The following NRBP2 variants were observed in gnomAD, a reference collection of about 807,000 sequenced individuals.
NRBP2 encodes nuclear receptor-binding protein 2.
A neutral mutation model predicts 74.4 loss-of-function variants in NRBP2; 47 were observed. The observed-to-expected ratio is 0.63, with a 90% CI of 0.50 to 0.81. NRBP2 has a LOEUF of 0.81. NRBP2 is among the 30% of genes least tolerant of loss of function. The pLI is 0.00. For missense variants in NRBP2, 613 were observed against 690.1 expected, an observed-to-expected ratio of 0.89 and a Z score of 1.25; for synonymous variants, 312 against 273.8, an observed-to-expected ratio of 1.14 and a Z score of -1.38.
Position 143,840,416 on chromosome 8 carries a change from C to A in NRBP2, c.130-187G>T. 1.2e-6 allele frequency: 1 copy of A among 812,658 alleles called. No individual in the cohort carries two copies. Among genetic ancestry groups the A allele is most frequent in the East Asian group, 2.7e-5 (1 of 37,160 alleles). 50.3% of individuals were successfully genotyped at this position (812,658 alleles called of 1,614,324 possible). A position where few individuals can be genotyped will look rare whatever the true frequency, so the allele number is the denominator to read the frequency against. On this transcript the variant is annotated intron_variant, in intron 1 of 17. Coordinates refer to ENST00000442628, the MANE Select transcript of NRBP2 (RefSeq NM_178564.4). The surrounding 1 kb of genome is among the most constrained non-coding windows in gnomAD (Gnocchi z 5.7). The stretch of plus-strand genomic sequence containing the variant: ...CAAGGGCTCCTATCCAAGGGCTGGG[C>A]TAAGGGGATTTGGAGCAGGTTTCAG...
At position 143,840,882 on chromosome 8, in the gene NRBP2, G is replaced by A. The variant is rs1269539275; in HGVS notation, c.-48C>T. 7.8e-6 allele frequency: 10 copies of A among 1,276,016 alleles called. No individual in the cohort carries two copies. The highest frequency in any genetic ancestry group is 6.6e-5 in the East Asian group (2 of 30,196). 79.0% of individuals were successfully genotyped at this position (1,276,016 alleles called of 1,614,324 possible). A position where few individuals can be genotyped will look rare whatever the true frequency, so the allele number is the denominator to read the frequency against. Reference sequence around the variant, plus strand: ...GCCCTCTGCGCGATCCGCCGCCGGCGCAGCCTCTCCCGGCCCGCCCTGGCC... The same window carrying A: ...GCCCTCTGCGCGATCCGCCGCCGGCACAGCCTCTCCCGGCCCGCCCTGGCC... On this transcript the variant is annotated 5_prime_UTR_variant, in exon 1 of 18. Coordinates refer to ENST00000442628, the MANE Select transcript of NRBP2 (RefSeq NM_178564.4). This position sits in a 1 kb window ranked among gnomAD's most constrained non-coding sequence, Gnocchi z 5.7.
chr8:143,835,648 G>T lies in NRBP2; in HGVS notation c.*14C>A. 1.3e-6 allele frequency: 2 copies of T among 1,567,260 alleles called. No individual in the cohort carries two copies. Among genetic ancestry groups the T allele is most frequent in the Non-Finnish European group, 1.7e-6 (2 of 1,159,118 alleles). On this transcript the variant is annotated 3_prime_UTR_variant, in exon 18 of 18. Transcript: ENST00000442628. The surrounding 1 kb of genome is among the most constrained non-coding windows in gnomAD (Gnocchi z 4.9). ...CAGCACCCCGGCATGGTCCCCTGGGGCTGGGGCTCCGGGTCAGGCCTGGGT... is the reference window on the plus strand; with the variant it reads ...CAGCACCCCGGCATGGTCCCCTGGGTCTGGGGCTCCGGGTCAGGCCTGGGT...
At position 143,838,865 on chromosome 8, in the gene NRBP2, G is replaced by C. The variant is rs782807303; in HGVS notation, c.744+18C>G. On this transcript the variant is annotated intron_variant, in intron 9 of 17. Coordinates refer to ENST00000442628, the MANE Select transcript of NRBP2 (RefSeq NM_178564.4). ...TTAGGAGGAGGGCAGAGCACAAGGT[G>C]GAGGGCGGGGGCAGTACCTCCAGCG... is the stretch of plus-strand genomic sequence containing the variant. The C allele has an allele frequency of 6.2e-7, 1 of 1,613,262 alleles. No homozygotes were observed. Among genetic ancestry groups the C allele is most frequent in the Admixed American group, 1.7e-5 (1 of 59,912 alleles).
rs782260411 is a variant in NRBP2 at position 143,837,218 on chromosome 8, G to A, written c.1127+31C>T. 4.7e-5 allele frequency: 76 copies of A among 1,613,804 alleles called. No individual in the cohort carries two copies. Among genetic ancestry groups the A allele is most frequent in the Non-Finnish European group, 4.4e-5 (52 of 1,179,994 alleles). ...GGCTGGGGGTTCAGGCCTGACAGCT[G>A]CCTGGCCCCCAACCTTACATCAGTT... is the stretch of plus-strand genomic sequence containing the variant. On this transcript the variant is annotated intron_variant, in intron 13 of 17. Coordinates refer to ENST00000442628, the MANE Select transcript of NRBP2 (RefSeq NM_178564.4). This position sits in a 1 kb window ranked among gnomAD's most constrained non-coding sequence, Gnocchi z 4.3.
chr8:143,840,200 C>G lies in NRBP2; in HGVS notation c.159G>C (p.Gln53His). The G allele has an allele frequency of 1.3e-6, 2 of 1,536,128 alleles. No homozygotes were observed. The highest frequency in any genetic ancestry group is 1.7e-6 in the Non-Finnish European group (2 of 1,146,888). ...QVNQGNMPGL[Q>H]STFLAMDTEE... is the part of the protein sequence containing the mutation. Reference sequence around the variant, plus strand: ...CCGTGTCCATGGCTAGGAAGGTGCTCTGAAGCCCTGGCATGTTCCCTTGGT... The same window carrying G: ...CCGTGTCCATGGCTAGGAAGGTGCTGTGAAGCCCTGGCATGTTCCCTTGGT... Residue 53 changes from glutamine (Q) to histidine (H), a missense_variant, in exon 2 of 18, where the codon CAG becomes CAC. Coordinates refer to ENST00000442628, the MANE Select transcript of NRBP2 (RefSeq NM_178564.4). This position sits in a 1 kb window ranked among gnomAD's most constrained non-coding sequence, Gnocchi z 5.7.
Position 143,840,434 on chromosome 8 carries a change from G to T in NRBP2, c.130-205C>A. On this transcript the variant is annotated intron_variant, in intron 1 of 17. Transcript: ENST00000442628. The surrounding 1 kb of genome is among the most constrained non-coding windows in gnomAD (Gnocchi z 5.7). ...GGCTGGGCTAAGGGGATTTGGAGCAGGTTTCAGGGGGTCGAGGGGGATCCC... is the reference window on the plus strand; with the variant it reads ...GGCTGGGCTAAGGGGATTTGGAGCATGTTTCAGGGGGTCGAGGGGGATCCC... 1.4e-6 allele frequency: 1 copy of T among 735,736 alleles called. No individual in the cohort carries two copies. Among genetic ancestry groups the T allele is most frequent in the Non-Finnish European group, 2.2e-6 (1 of 462,944 alleles). The allele number at this position is 735,736 out of a possible 1,614,324, so 45.6% of individuals were successfully genotyped here. A position where few individuals can be genotyped will look rare whatever the true frequency, so the allele number is the denominator to read the frequency against.
chr8:143,840,314 T>G lies in NRBP2; in HGVS notation c.130-85A>C. On this transcript the variant is annotated intron_variant, in intron 1 of 17. Coordinates refer to ENST00000442628, the MANE Select transcript of NRBP2 (RefSeq NM_178564.4). This position sits in a 1 kb window ranked among gnomAD's most constrained non-coding sequence, Gnocchi z 5.7. ...TTGGTCCCTGTCCACACCTTTCCAGTGGGCCCAAGCGTGGGCTGCAGGCCC... is the reference window on the plus strand; with the variant it reads ...TTGGTCCCTGTCCACACCTTTCCAGGGGGCCCAAGCGTGGGCTGCAGGCCC... The G allele has an allele frequency of 2.0e-6, 3 of 1,499,626 alleles. No individual in the cohort carries two copies. The highest frequency in any genetic ancestry group is 2.7e-6 in the Non-Finnish European group (3 of 1,122,938). 92.9% of individuals were successfully genotyped at this position (1,499,626 alleles called of 1,614,324 possible). A position where few individuals can be genotyped will look rare whatever the true frequency, so the allele number is the denominator to read the frequency against.
At position 143,840,118 on chromosome 8, in the gene NRBP2, C is replaced by T; in HGVS notation, c.241G>A (p.Ala81Thr). 2.0e-6 allele frequency: 3 copies of T among 1,536,130 alleles called. No individual in the cohort carries two copies. The highest frequency in any genetic ancestry group is 2.6e-6 in the Non-Finnish European group (3 of 1,146,902). Residue 81 changes from alanine (A) to threonine (T), a missense_variant, in exon 2 of 18, where the codon GCG becomes ACG. Physicochemically the swap from Ala to Thr is moderately conservative, Grantham distance 58 (BLOSUM62 0). This residue lies in a region of NRBP2 where 332 missense variants were observed against 429.2 expected (regional missense o/e 0.77). Transcript: ENST00000442628. The surrounding 1 kb of genome is among the most constrained non-coding windows in gnomAD (Gnocchi z 5.7). ...ELHFGDRKAF[A>T]AHEEKIQTVF... ...GGCAGCGGTCTCACCTCGTGCGCCG[C>T]GAAGGCCTTCCTGTCTCCGAAGTGG...
Position 143,837,415 on chromosome 8 carries a change from CA to C in NRBP2, c.1067del (p.Leu356ArgfsTer27), listed in dbSNP as rs782348878. 1 of 1,599,880 alleles carries C rather than the reference CA, an allele frequency of 6.3e-7. No individual in the cohort carries two copies. The highest frequency in any genetic ancestry group is 1.3e-5 in the African/African-American group (1 of 74,782). ...AELPRPRRPP[L>X]QWRYSEVSFM... Reference sequence around the variant, plus strand: ...GGGTGCTGACTGCTCACCGCCACTGCAGCGGGGGCCTGCGGGGCCGGGGAAG... The same window carrying C: ...GGGTGCTGACTGCTCACCGCCACTGCGCGGGGGCCTGCGGGGCCGGGGAAG... On this transcript the variant is annotated frameshift_variant, in exon 12 of 18. Transcript: ENST00000442628. LOFTEE classifies it high-confidence loss of function. The surrounding 1 kb of genome is among the most constrained non-coding windows in gnomAD (Gnocchi z 4.3).
At chr8:143,831,794 T>C (rs560590930), downstream of NRBP2, among the ~76,000 whole-genome samples, 6 of 152,284 alleles carry the variant, frequency 3.9e-5, no homozygotes, top group South Asian at 1.2e-3. Flanking sequence ...TCATTGAGAA[T>C]TACCCAAGTA....
intron 10 of NRBP2, 99 bp downstream of exon 10, chr8:143,838,581 G>T: frequency 2.3e-6 from 2 of 867,290 alleles, no homozygotes; most frequent in Non-Finnish European, 3.6e-6. Context: ...CCCCTCAACT[G>T]CACAAACTGT....
intron 14 of NRBP2, among the ~76,000 whole-genome samples, chr8:143,836,637 T>G (rs924447391): frequency 7.5e-6 from 1 of 132,722 alleles, no homozygotes; most frequent in South Asian, 2.7e-4. Flanking sequence ...GCAGGAAAAG[T>G]CTGGGGAGAC....
chr8:143,835,762 G>A lies in NRBP2; in HGVS notation c.1438-32C>T. ...AAGGAGGGAGGCATGGGGGACGGAG[G>A]GGCGCGGCCTGCCCCGTGCGCCCCC... On this transcript the variant is annotated intron_variant, in intron 17 of 17. Transcript: ENST00000442628. This position sits in a 1 kb window ranked among gnomAD's most constrained non-coding sequence, Gnocchi z 4.9. The A allele has an allele frequency of 6.3e-7, 1 of 1,594,362 alleles. No individual in the cohort carries two copies. Among genetic ancestry groups the A allele is most frequent in the Non-Finnish European group, 8.5e-7 (1 of 1,172,734 alleles).
In NRBP2 at chr8:143,840,775, G is replaced by T. The variant is rs1474586911; in HGVS notation, c.60C>A (p.Asp20Glu). Residue 20 changes from aspartate to glutamate, a missense_variant, in exon 1 of 18, where the codon GAC becomes GAA. Coordinates refer to ENST00000442628, the MANE Select transcript of NRBP2 (RefSeq NM_178564.4). This position sits in a 1 kb window ranked among gnomAD's most constrained non-coding sequence, Gnocchi z 5.7. ...RARERERERE[D>E]ESEDESDILE... The stretch of plus-strand genomic sequence containing the variant: ...GGATGTCGCTCTCGTCCTCGCTCTC[G>T]TCCTCCCGCTCCCGCTCCCGTTCCC... 6.6e-7 allele frequency: 1 copy of T among 1,510,338 alleles called. No individual in the cohort carries two copies. Among genetic ancestry groups the T allele is most frequent in the Non-Finnish European group, 8.8e-7 (1 of 1,135,466 alleles). 93.6% of individuals were successfully genotyped at this position (1,510,338 alleles called of 1,614,324 possible). A position where few individuals can be genotyped will look rare whatever the true frequency, so the allele number is the denominator to read the frequency against.
downstream of NRBP2, among the ~76,000 whole-genome samples, chr8:143,831,493 C>T (rs781931756): frequency 5.9e-5 from 9 of 152,152 alleles, no homozygotes; most frequent in Non-Finnish European, 8.8e-5. Context: ...TGGTGGCACA[C>T]GCCTGTAGTC....
rs782665113 is a variant in NRBP2, at chr8:143,838,889, C to T, written c.738G>A (p.Ala246=). 42 of 1,612,906 alleles carry T rather than the reference C, an allele frequency of 2.6e-5. No homozygotes were observed. The Admixed American group carries it at 3.7e-4, about 14-fold the overall frequency. The change falls in exon 9 of 18, where the codon GCG becomes GCA. Residue 246 remains alanine, a synonymous_variant. Transcript: ENST00000442628. ...AVDIFSFGMC[A]LEMAVLEIQT... ...TGGAGGGCGGGGGCAGTACCTCCAG[C>T]GCACACATCCCAAAGGAGAAGATGT...
At chr8:143,836,533 C>T (rs1332427759) in intron 14 of NRBP2, among the ~76,000 whole-genome samples, 4 of 151,994 alleles carry the variant, frequency 2.6e-5, no homozygotes, top group Non-Finnish European at 4.4e-5. Flanking sequence ...CTCCCATGAT[C>T]TCTGCTGGCA....
chr8:143,837,795 T>G lies in NRBP2; in HGVS notation c.841-40A>C, dbSNP rs536475340. On this transcript the variant is annotated intron_variant, in intron 10 of 17. Transcript: ENST00000442628. This position sits in a 1 kb window ranked among gnomAD's most constrained non-coding sequence, Gnocchi z 4.3. Reference sequence around the variant, plus strand: ...GGAGAGGCTGGTGGTGTGCAAGGGCTCTCTGCTCTGGCCCCGCAGTTCGAG... The same window carrying G: ...GGAGAGGCTGGTGGTGTGCAAGGGCGCTCTGCTCTGGCCCCGCAGTTCGAG... 6 of 1,552,142 alleles carry G rather than the reference T, an allele frequency of 3.9e-6. No homozygotes were observed. In the Admixed American group the frequency reaches 1.2e-4, roughly 30 times the overall value.
At chr8:143,838,641 C>A in intron 10 of NRBP2, 39 bp downstream of exon 10, 1 of 1,486,036 alleles carries the variant, frequency 6.7e-7, no homozygotes, top group South Asian at 1.2e-5. Context: ...TAGCTGAGCA[C>A]GGTGAGCCAG....
Sources: allele counts gnomAD v4.1 joint callset (sites outside exome capture counted in the v4.1 genomes callset), GRCh38; gene constraint gnomAD v4.1.1; regional missense constraint gnomAD v4.1.1; non-coding constraint Gnocchi (gnomAD v3.1); transcripts MANE v1.5; gene names NCBI Gene and HGNC (gene_info 2026-07-23, HGNC 2026-07-21).